The following CFAP299 variants were observed in gnomAD, a reference collection of about 807,000 sequenced individuals.
CFAP299 encodes cilia- and flagella-associated protein 299.
In CFAP299, 21 loss-of-function variants were observed where a neutral mutation model predicts 27.0. That is an observed-to-expected ratio of 0.78 (90% confidence interval 0.55 to 1.12). The LOEUF (loss-of-function observed/expected upper bound fraction) is 1.12. Among genes scored for constraint, CFAP299 ranks in the 50% most tolerant of loss-of-function variants. CFAP299 has a pLI of 0.00. For synonymous variants in CFAP299, 104 were observed against 98.1 expected (o/e 1.06, Z -0.36); for missense variants, 310 against 276.6 (o/e 1.12, Z -0.86).
At chr4:80,862,610 G>T (rs1416594381) in intron 3 of CFAP299, among the ~76,000 whole-genome samples, 2 of 151,936 alleles carry the variant, frequency 1.3e-5, no homozygotes, top group South Asian at 2.1e-4. Flanking sequence ...ATGACATTTG[G>T]TTCCTCCCAT....
At chr4:80,628,624 CAATT>C (rs1356178328) in intron 3 of CFAP299, among the ~76,000 whole-genome samples, 1 of 152,100 alleles carries the variant, frequency 6.6e-6, no homozygotes, top group Non-Finnish European at 1.5e-5. Context: ...GAAATTCAAA[CAATT>C]CAATAGCAAG....
intron 1 of CFAP299, among the ~76,000 whole-genome samples, chr4:80,355,241 A>G (rs1723210839): frequency 6.6e-6 from 1 of 151,508 alleles, no homozygotes. Context: ...ATGGTATCTC[A>G]TTTAGGTTTG....
At chr4:80,883,587 GA>G (rs576170891) in intron 4 of CFAP299, among the ~76,000 whole-genome samples, 3 of 152,032 alleles carry the variant, frequency 2.0e-5, no homozygotes, top group Non-Finnish European at 4.4e-5. Flanking sequence ...ACATTTTCAT[GA>G]AAAAAATGTT....
intron 3 of CFAP299, among the ~76,000 whole-genome samples, chr4:80,750,191 G>A (rs1290572660): frequency 6.6e-6 from 1 of 151,838 alleles, no homozygotes; most frequent in Non-Finnish European, 1.5e-5. Context: ...GACAACCCCT[G>A]TAGAATTATC....
At chr4:80,471,017 A>G (rs1729965956) in intron 2 of CFAP299, among the ~76,000 whole-genome samples, 1 of 152,196 alleles carries the variant, frequency 6.6e-6, no homozygotes, top group African/African-American at 2.4e-5. Flanking sequence ...GCTTTTGTGT[A>G]TTGAGTCATG....
At chr4:80,442,760 T>C (rs1728421084) in intron 2 of CFAP299, among the ~76,000 whole-genome samples, 2 of 152,222 alleles carry the variant, frequency 1.3e-5, no homozygotes, top group South Asian at 4.1e-4. Context: ...GCTGGTTTTT[T>C]GAAAAGATTA....
intron 1 of CFAP299, among the ~76,000 whole-genome samples, chr4:80,352,986 T>C (rs570397031): frequency 3.5e-4 from 53 of 152,228 alleles, no homozygotes; most frequent in South Asian, 1.0e-3. Context: ...AAATTAATGA[T>C]AGTAGCTTCT....
chr4:80,679,742 GT>G (rs34748902), intron 3 of CFAP299, among the ~76,000 whole-genome samples: 116,379 of 135,618 alleles, frequency 0.86, 50,030 homozygotes, highest in East Asian at 0.97. Flanking sequence ...CTGTGTGTGG[GT>G]TTTTTTTTTT....
chr4:80,800,429 TA>T (rs1728410782), intron 3 of CFAP299, among the ~76,000 whole-genome samples: 1 of 64,012 alleles, frequency 1.6e-5, no homozygotes, highest in East Asian at 6.5e-4. Flanking sequence ...ATAATATATA[TA>T]ATATATAATA....
intron 2 of CFAP299, among the ~76,000 whole-genome samples, chr4:80,541,989 C>A (rs536015569): frequency 2.0e-5 from 3 of 151,800 alleles, no homozygotes; most frequent in African/African-American, 7.2e-5. Flanking sequence ...AAAAAGGTAT[C>A]AAGGACAGAA....
intron 3 of CFAP299, among the ~76,000 whole-genome samples, chr4:80,692,784 C>T (rs1442821276): frequency 8.5e-5 from 13 of 152,166 alleles, no homozygotes; most frequent in Non-Finnish European, 1.5e-4. Context: ...AGAAAATTTT[C>T]GCAACCTACT....
chr4:80,838,254 C>T (rs1730675770), intron 3 of CFAP299, among the ~76,000 whole-genome samples: 1 of 152,174 alleles, frequency 6.6e-6, no homozygotes, highest in Admixed American at 6.5e-5. Flanking sequence ...TGTGCAGAGG[C>T]TCTTTAGTTT....
intron 3 of CFAP299, among the ~76,000 whole-genome samples, chr4:80,851,437 T>A (rs753945876): frequency 1.3e-5 from 2 of 152,144 alleles, no homozygotes; most frequent in Non-Finnish European, 2.9e-5. Context: ...AAAGACACTA[T>A]GCATTTCATT....
At chr4:80,449,591 A>G (rs563877178) in intron 2 of CFAP299, among the ~76,000 whole-genome samples, 33 of 151,920 alleles carry the variant, frequency 2.2e-4, no homozygotes, top group Non-Finnish European at 4.1e-4. Flanking sequence ...CAAGAATTTC[A>G]TTCTTAAAAA....
chr4:80,940,703 C>T (rs28540471), intron 4 of CFAP299, among the ~76,000 whole-genome samples: 3,759 of 152,172 alleles, frequency 0.025, 71 homozygotes, highest in South Asian at 0.08. Flanking sequence ...AAGTTACCTT[C>T]GTGAGTTTTT....
chr4:80,404,850 A>T (rs1402673498), intron 2 of CFAP299, among the ~76,000 whole-genome samples: 1 of 152,024 alleles, frequency 6.6e-6, no homozygotes, highest in Non-Finnish European at 1.5e-5. Flanking sequence ...TTTTTTAGGA[A>T]CCATCATACT....
Position 80,905,644 on chromosome 4 carries a change from A to T in CFAP299, c.476+35509A>T, listed in dbSNP as rs139364829. On this transcript the variant is annotated intron_variant, in intron 4 of 5. Transcript: ENST00000358105. ...CCACAGGGTTGGGGAGGCCTCAGGA[A>T]ACTTACAAACTTGGTGGAAGGGGAA... 2.2e-3 allele frequency among the ~76,000 whole-genome samples: 338 copies of T among 152,240 alleles called. 4 individuals are homozygous for T. Among genetic ancestry groups the T allele is most frequent in the African/African-American group, 7.7e-3 (319 of 41,548 alleles).
intron 3 of CFAP299, among the ~76,000 whole-genome samples, chr4:80,764,939 G>A (rs142073295): frequency 4.6e-5 from 7 of 152,094 alleles, no homozygotes; most frequent in Non-Finnish European, 8.8e-5. Context: ...GGCCTGTGGA[G>A]GGGTTGGGGG....
intron 3 of CFAP299, among the ~76,000 whole-genome samples, chr4:80,726,449 T>C (rs1560719596): frequency 6.6e-6 from 1 of 152,152 alleles, no homozygotes; most frequent in Non-Finnish European, 1.5e-5. Context: ...GTAAATTCAT[T>C]TTATACTTAC....
Sources: gnomAD v4.1 joint callset for allele counts (sites outside exome capture counted in the v4.1 genomes callset) on GRCh38, gnomAD v4.1.1 for gene constraint, MANE v1.5 for transcripts, NCBI Gene and HGNC (gene_info 2026-07-23, HGNC 2026-07-21) for gene names.